Variants in ZFPM2 observed in about 807,000 individuals in gnomAD.
ZFPM2 encodes zinc finger protein, FOG family member 2.
In ZFPM2, 20 loss-of-function variants were observed where a neutral mutation model predicts 98.6. The observed-to-expected ratio is 0.20, with a 90% confidence interval of 0.14 to 0.29. ZFPM2 has a LOEUF of 0.29. ZFPM2 is among the 10% of genes least tolerant of loss of function. The pLI is 1.00. For missense variants in ZFPM2, 1,310 were observed against 1,388.6 expected (o/e 0.94, Z 0.90); for synonymous variants, 518 against 502.7 (o/e 1.03, Z -0.41).
intron 5 of ZFPM2, among the ~76,000 whole-genome samples, chr8:105,770,502 G>A (rs1812955928): frequency 6.6e-6 from 1 of 151,990 alleles, no homozygotes; most frequent in Middle Eastern, 3.2e-3. Flanking sequence ...CATGACCAAG[G>A]ATTCCGCCCC....
intron 4 of ZFPM2, among the ~76,000 whole-genome samples, chr8:105,615,443 T>G (rs1002409241): frequency 1.3e-5 from 2 of 152,166 alleles, no homozygotes; most frequent in African/African-American, 4.8e-5. Flanking sequence ...GTGTTTTGAT[T>G]CTGAAATATA....
chr8:105,790,905 G>A (rs1813589326), intron 6 of ZFPM2, among the ~76,000 whole-genome samples: 1 of 152,056 alleles, frequency 6.6e-6, no homozygotes, highest in Non-Finnish European at 1.5e-5. Flanking sequence ...TGTTATTGGT[G>A]TATAAGAATG....
intron 5 of ZFPM2, among the ~76,000 whole-genome samples, chr8:105,708,854 C>G (rs1277182986): frequency 6.6e-6 from 1 of 152,080 alleles, no homozygotes; most frequent in Non-Finnish European, 1.5e-5. Flanking sequence ...TAAAGTACTT[C>G]CTGTGTTATA....
intron 5 of ZFPM2, among the ~76,000 whole-genome samples, chr8:105,719,347 C>T (rs936783517): frequency 5.9e-5 from 9 of 151,818 alleles, no homozygotes; most frequent in Admixed American, 5.3e-4. Context: ...AAAGTACACA[C>T]GCAATACACA....
At chr8:105,515,262 G>T (rs1160950080) in intron 3 of ZFPM2, among the ~76,000 whole-genome samples, 2 of 152,202 alleles carry the variant, frequency 1.3e-5, no homozygotes, top group Admixed American at 6.5e-5. Flanking sequence ...TGCAAATATT[G>T]CTTGTGGTTA....
chr8:105,792,174 G>A (rs1331218235), intron 6 of ZFPM2, among the ~76,000 whole-genome samples: 2 of 152,050 alleles, frequency 1.3e-5, no homozygotes, highest in African/African-American at 2.4e-5. Context: ...TCTTTTAATT[G>A]TGATGTTAGA....
intron 3 of ZFPM2, among the ~76,000 whole-genome samples, chr8:105,445,976 A>C (rs1009224941): frequency 2.6e-5 from 4 of 151,118 alleles, no homozygotes; most frequent in Non-Finnish European, 5.9e-5. Flanking sequence ...GCTGGAGTGC[A>C]GTGGCATGAT....
chr8:105,442,448 C>T (rs1019886906), intron 2 of ZFPM2, among the ~76,000 whole-genome samples: 13 of 152,148 alleles, frequency 8.5e-5, no homozygotes, highest in African/African-American at 2.9e-4. Flanking sequence ...TTTTCAAAAA[C>T]GGACTGTCTT....
chr8:105,679,381 C>A (rs528254140), intron 5 of ZFPM2, among the ~76,000 whole-genome samples: 2 of 152,222 alleles, frequency 1.3e-5, no homozygotes, highest in South Asian at 4.2e-4. Context: ...TGTATGTTGA[C>A]CATCTGGCCC....
chr8:105,466,008 G>C (rs1812790261), intron 3 of ZFPM2, among the ~76,000 whole-genome samples: 1 of 152,054 alleles, frequency 6.6e-6, no homozygotes, highest in Middle Eastern at 3.4e-3. Flanking sequence ...TAAAAGTGAA[G>C]ATTTTCTGCT....
At chr8:105,781,671 G>C (rs7835881) in intron 5 of ZFPM2, among the ~76,000 whole-genome samples, 16 of 152,048 alleles carry the variant, frequency 1.1e-4, no homozygotes, top group Non-Finnish European at 1.6e-4. Flanking sequence ...TGAGCTGAGC[G>C]GTGACTGCCA....
At chr8:105,340,410 C>T (rs1176140194) in intron 1 of ZFPM2, among the ~76,000 whole-genome samples, 1 of 151,882 alleles carries the variant, frequency 6.6e-6, no homozygotes, top group Non-Finnish European at 1.5e-5. Context: ...AATCAGATTA[C>T]ATTTGCTATT....
intron 3 of ZFPM2, among the ~76,000 whole-genome samples, chr8:105,554,433 G>A (rs1315932476): frequency 6.6e-6 from 1 of 152,122 alleles, no homozygotes; most frequent in African/African-American, 2.4e-5. Context: ...AATGTTTTGA[G>A]ATTTTTAGAA....
Position 105,444,263 on chromosome 8 carries a change from G to A in ZFPM2, c.200-17G>A, listed in dbSNP as rs1194863340. 1.3e-6 allele frequency: 2 copies of A among 1,593,552 alleles called. No individual in the cohort carries two copies. Among genetic ancestry groups the A allele is most frequent in the Admixed American group, 1.7e-5 (1 of 58,400 alleles). The stretch of plus-strand genomic sequence containing the variant: ...CTTTGCTCATTTTCTTTCTCTCCTT[G>A]TGTTGGTGTTTTCCAGGTGATGATG... On this transcript the variant is annotated splice_polypyrimidine_tract_variant and intron_variant, in intron 2 of 7. Transcript: ENST00000407775.
At chr8:105,789,306 A>G (rs962870037) in intron 6 of ZFPM2, among the ~76,000 whole-genome samples, 8 of 152,110 alleles carry the variant, frequency 5.3e-5, no homozygotes, top group Admixed American at 2.6e-4. Flanking sequence ...TCATTGTTCA[A>G]TTCCCACCTA....
At chr8:105,467,898 G>A (rs1346373847) in intron 3 of ZFPM2, among the ~76,000 whole-genome samples, 1 of 151,760 alleles carries the variant, frequency 6.6e-6, no homozygotes, top group Non-Finnish European at 1.5e-5. Context: ...TCATTGGAAG[G>A]GTAAGGATGA....
chr8:105,637,012 G>A (rs1170828095), intron 5 of ZFPM2, among the ~76,000 whole-genome samples: 2 of 152,168 alleles, frequency 1.3e-5, no homozygotes, highest in Non-Finnish European at 2.9e-5. Flanking sequence ...AAGTGATTGA[G>A]TGGGATCAAG....
intron 5 of ZFPM2, among the ~76,000 whole-genome samples, chr8:105,699,249 AATTAC>A (rs1442522885): frequency 1.3e-5 from 2 of 152,088 alleles, no homozygotes; most frequent in Non-Finnish European, 2.9e-5. Context: ...TTATAGTGTA[AATTAC>A]TAAAATGGTA....
intron 1 of ZFPM2, among the ~76,000 whole-genome samples, chr8:105,384,157 C>A (rs546987081): frequency 1.3e-5 from 2 of 152,250 alleles, no homozygotes; most frequent in South Asian, 4.1e-4. Context: ...TCTGCCAGCC[C>A]TCCACATTCA....
Sources: gnomAD v4.1 joint callset for allele counts (sites outside exome capture counted in the v4.1 genomes callset) on GRCh38, gnomAD v4.1.1 for gene constraint, MANE v1.5 for transcripts, NCBI Gene and HGNC (gene_info 2026-07-23, HGNC 2026-07-21) for gene names.